DST: variants seen among roughly 807,000 people sequenced by gnomAD.
The protein encoded by DST is bullous pemphigoid antigen.
In DST, 253 loss-of-function variants were observed where a neutral mutation model predicts 875.2. That is an observed-to-expected ratio of 0.29 (90% confidence interval 0.26 to 0.32). The LOEUF is 0.32. Ranked by LOEUF, DST falls within the 10% of genes least tolerant of loss-of-function variation. The pLI, the probability that DST is intolerant of heterozygous loss-of-function variation, is 1.00. For missense variants in DST, 8,287 were observed against 9,111.6 expected, an observed-to-expected ratio of 0.91 and a Z score of 3.68; for synonymous variants, 3,124 against 3,197.1, an observed-to-expected ratio of 0.98 and a Z score of 0.77.
Position 56,607,426 on chromosome 6 carries a change from G to T in DST, c.7202C>A (p.Pro2401His). 6.2e-7 allele frequency: 1 copy of T among 1,610,080 alleles called. No homozygotes were observed. Among genetic ancestry groups the T allele is most frequent in the South Asian group, 1.1e-5 (1 of 90,784 alleles). Residue 2401 changes from proline to histidine, a missense_variant, in exon 40 of 104, where the codon CCT (proline) becomes CAT (histidine). Pro to His is a moderately conservative substitution (Grantham distance 77). This residue lies in a region of DST where 3,138 missense variants were observed against 3,116.6 expected (regional missense o/e 1.01). Transcript: ENST00000680361. The stretch of plus-strand genomic sequence containing the variant: ...TTTACTCATTTTTGATTTCATAATA[G>T]GATTTTCTATTAAATCACTTGGAAA... ...QNFPSDLIEN[P>H]IMKSKMSKFC... is the part of the protein sequence containing the mutation.
chr6:56,627,085 A>G (rs542201649), intron 34 of DST, 119 bp downstream of exon 34: 2 of 815,630 alleles, frequency 2.5e-6, no homozygotes, highest in Non-Finnish European at 4.2e-6. Context: ...TAAGTGTCAA[A>G]AAAGTTCAAA....
intron 3 of DST, among the ~76,000 whole-genome samples, chr6:56,878,000 G>T (rs1175066016): frequency 1.3e-5 from 2 of 152,146 alleles, no homozygotes; most frequent in African/African-American, 2.4e-5. Flanking sequence ...GACCAGTCAT[G>T]CAATAAAGGG....
At chr6:56,933,808 G>A (rs1323357937) in intron 2 of DST, among the ~76,000 whole-genome samples, 2 of 152,028 alleles carry the variant, frequency 1.3e-5, no homozygotes, top group East Asian at 1.9e-4. Flanking sequence ...TGTAAGCAAC[G>A]GGAAGCCATT....
At chr6:56,867,625 T>A (rs751356291) in intron 3 of DST, among the ~76,000 whole-genome samples, 7 of 152,106 alleles carry the variant, frequency 4.6e-5, no homozygotes, top group Non-Finnish European at 8.8e-5. Context: ...ATCAAGACCA[T>A]CCTGGCCAAC....
Position 56,587,120 on chromosome 6 carries a change from A to G in DST, c.12903+5062T>C, listed in dbSNP as rs2098169638. 3.3e-5 allele frequency among the ~76,000 whole-genome samples: 5 copies of G among 152,248 alleles called. No individual in the cohort carries two copies. The South Asian group carries it at 8.3e-4, about 25-fold the overall frequency. On this transcript the variant is annotated intron_variant, in intron 49 of 103. Transcript: ENST00000680361. ...AGACGATCAAACTACTCCGAGCTAC[A>G]GGAGGAAATTCAAACCAAAGGCAAA...
At chr6:56,943,934 T>G (rs1818073568) in intron 2 of DST, among the ~76,000 whole-genome samples, 1 of 151,770 alleles carries the variant, frequency 6.6e-6, no homozygotes, top group African/African-American at 2.4e-5. Context: ...CTGGCCAACA[T>G]GGTGAAATCT....
intron 10 of DST, among the ~76,000 whole-genome samples, chr6:56,669,118 C>A: frequency 6.6e-6 from 1 of 151,716 alleles, no homozygotes; most frequent in South Asian, 2.1e-4. Flanking sequence ...TTTAAGAGAA[C>A]GAGAAAGTAA....
chr6:56,471,373 CTTCCCATT>C, intron 94 of DST, 105 bp from the exon 95 acceptor site: 1 of 787,816 alleles, frequency 1.3e-6, no homozygotes, highest in East Asian at 3.1e-5. Flanking sequence ...TACACATATC[CTTCCCATT>C]TCAAAAAGAG....
intron 69 of DST, among the ~76,000 whole-genome samples, chr6:56,525,814 C>A (rs138148115): frequency 0.017 from 2,654 of 152,250 alleles, 72 homozygotes; most frequent in African/African-American, 0.06. Flanking sequence ...CTATAAAACT[C>A]TTGGAGTATA....
chr6:56,845,669 C>G, intron 4 of DST, among the ~76,000 whole-genome samples: 1 of 152,200 alleles, frequency 6.6e-6, no homozygotes, highest in East Asian at 1.9e-4. Context: ...CATTTACAGA[C>G]CACACATGTA....
intron 3 of DST, among the ~76,000 whole-genome samples, chr6:56,872,789 T>C (rs1427298693): frequency 6.7e-6 from 1 of 150,192 alleles, no homozygotes; most frequent in African/African-American, 2.4e-5. Flanking sequence ...AATAAATAGG[T>C]ATGGAAGTGC....
At chr6:56,462,629 A>T (rs142390118) in intron 102 of DST, among the ~76,000 whole-genome samples, 2 of 152,190 alleles carry the variant, frequency 1.3e-5, no homozygotes, top group Non-Finnish European at 2.9e-5. Context: ...CTTGCAAATC[A>T]TACTGCCTTT....
chr6:56,950,194 C>T (rs1444735152), intron 2 of DST, among the ~76,000 whole-genome samples: 2 of 152,124 alleles, frequency 1.3e-5, no homozygotes, highest in African/African-American at 2.4e-5. Context: ...TCTTTTGGTT[C>T]CTTTGCCTGA....
chr6:56,783,498 T>C (rs2099698610), intron 4 of DST, among the ~76,000 whole-genome samples: 1 of 152,212 alleles, frequency 6.6e-6, no homozygotes, highest in Non-Finnish European at 1.5e-5. Flanking sequence ...TTGTCTCTTT[T>C]GATCTTTGTT....
chr6:56,694,872 A>T (rs2099254389), intron 9 of DST, among the ~76,000 whole-genome samples: 1 of 152,228 alleles, frequency 6.6e-6, no homozygotes, highest in South Asian at 2.1e-4. Context: ...CATGCCTGTA[A>T]TCCCAGCACT....
chr6:56,465,867 TAA>T lies in DST; in HGVS notation c.22687+209_22687+210del, dbSNP rs11359681. On this transcript the variant is annotated intron_variant, in intron 99 of 103. Coordinates refer to ENST00000680361, the MANE Select transcript of DST (RefSeq NM_001374736.1). ...GCCCACCATATTTATCCAGAAAAAGTAAAAAAAAAAAAAAAAAAGAAAGAAAA... is the reference window on the plus strand; with the variant it reads ...GCCCACCATATTTATCCAGAAAAAGTAAAAAAAAAAAAAAAAGAAAGAAAA... 0.07 allele frequency among the ~76,000 whole-genome samples: 7,870 copies of T among 112,320 alleles called. 258 individuals are homozygous for T. Among genetic ancestry groups the T allele is most frequent in the African/African-American group, 0.1 (3,427 of 33,452 alleles). 73.7% of individuals were successfully genotyped at this position (112,320 alleles called of 152,430 possible).
At chr6:56,480,341 C>T (rs2095359659) in intron 90 of DST, among the ~76,000 whole-genome samples, 1 of 152,160 alleles carries the variant, frequency 6.6e-6, no homozygotes, top group African/African-American at 2.4e-5. Flanking sequence ...CCCTGGAGAA[C>T]AGCTGATACA....
intron 80 of DST, among the ~76,000 whole-genome samples, chr6:56,500,344 T>TGAA (rs2096077592): frequency 1.3e-5 from 2 of 152,140 alleles, no homozygotes; most frequent in South Asian, 4.1e-4. Context: ...GTCTAGTGAC[T>TGAA]GAAGGGATAG....
intron 56 of DST, 32 bp downstream of exon 56, chr6:56,562,106 T>G: frequency 7.4e-7 from 1 of 1,358,574 alleles, no homozygotes. Flanking sequence ...TCAAATTACA[T>G]TAATCAGTAA....
Sources: gnomAD v4.1 joint callset for allele counts (sites outside exome capture counted in the v4.1 genomes callset) on GRCh38, gnomAD v4.1.1 for gene constraint, gnomAD v4.1.1 regional missense constraint, MANE v1.5 for transcripts, NCBI Gene and HGNC (gene_info 2026-07-23, HGNC 2026-07-21) for gene names.